Variants in FBN1 observed in about 807,000 individuals in gnomAD.
FBN1 encodes fibrillin 1, also known as fibrillin-1.
Under a neutral mutation model 365.1 loss-of-function variants are expected in FBN1, and 29 were observed. The ratio of observed to expected loss-of-function variants is 0.08; its 90% CI spans 0.06 to 0.11. The LOEUF is 0.11. Ranked by LOEUF, FBN1 falls within the 10% of genes least tolerant of loss-of-function variation. The pLI, the probability that FBN1 is intolerant of heterozygous loss-of-function variation, is 1.00. For missense variants in FBN1, 2,476 were observed against 3,703.2 expected (o/e 0.67, Z 8.60); for synonymous variants, 1,210 against 1,270.5 (o/e 0.95, Z 1.01).
At position 48,482,573 on chromosome 15, in the gene FBN1, C is replaced by T. The variant is rs1278681743; in HGVS notation, c.3839-793G>A. ...GGAGGAGGTACCAGATGGAGCCAGG[C>T]ACTGTCCTTGAGTTGAGGAGATGAA... On this transcript the variant is annotated intron_variant, in intron 31 of 65. Coordinates refer to ENST00000316623, the MANE Select transcript of FBN1 (RefSeq NM_000138.5). Among the ~76,000 whole-genome samples, 6 of 152,252 alleles carry T rather than the reference C, an allele frequency of 3.9e-5. No homozygotes were observed. The East Asian group carries it at 1.2e-3, about 29-fold the overall frequency.
intron 53 of FBN1, among the ~76,000 whole-genome samples, chr15:48,435,636 A>T (rs2043059574): frequency 6.6e-6 from 1 of 150,940 alleles, no homozygotes; most frequent in Non-Finnish European, 1.5e-5. Context: ...ACACAGGCGG[A>T]GAGAACAAAT....
intron 32 of FBN1, among the ~76,000 whole-genome samples, chr15:48,474,999 T>C (rs1731390020): frequency 6.6e-6 from 1 of 151,076 alleles, no homozygotes; most frequent in Non-Finnish European, 1.5e-5. Flanking sequence ...CTTTTGCTAG[T>C]ATTTTTAGTA....
chr15:48,443,793 G>A (rs2141247302), intron 49 of FBN1, among the ~76,000 whole-genome samples: 1 of 152,208 alleles, frequency 6.6e-6, no homozygotes, highest in South Asian at 2.1e-4. Flanking sequence ...AGGCCCTTGG[G>A]AGGCTGAGGA....
In FBN1 at chr15:48,437,384, G is replaced by A. The variant is rs1437239300; in HGVS notation, c.6317C>T (p.Ala2106Val). The change falls in exon 52 of 66, where the codon GCC becomes GTC. Residue 2106 changes from alanine to valine, a missense_variant. Ala to Val is a moderately conservative substitution (Grantham distance 64). This residue lies in a region of FBN1 where 1,780 missense variants were observed against 2,840.8 expected (regional missense o/e 0.63). Coordinates refer to ENST00000316623, the MANE Select transcript of FBN1 (RefSeq NM_000138.5). ...TCCATAAGGACATATCTGGCGGAAG[G>A]CCTCTGTGGTGGAGACACTCATTAA... is the stretch of plus-strand genomic sequence containing the variant. The part of the protein sequence containing the change: ...CELCPTEPDE[A>V]FRQICPYGSG... 3 of 1,612,494 alleles carry A rather than the reference G, an allele frequency of 1.9e-6. No homozygotes were observed. The highest frequency in any genetic ancestry group is 2.2e-5 in the South Asian group (2 of 91,044).
intron 23 of FBN1, among the ~76,000 whole-genome samples, chr15:48,493,403 T>C (rs1339667020): frequency 2.0e-5 from 3 of 152,230 alleles, no homozygotes; most frequent in African/African-American, 7.2e-5. Flanking sequence ...AACAGGAATG[T>C]TGAAAAAATA....
At chr15:48,486,977 G>C (rs2043512169) in intron 29 of FBN1, 98 bp downstream of exon 29, 1 of 984,156 alleles carries the variant, frequency 1.0e-6, no homozygotes, top group African/African-American at 1.7e-5. Flanking sequence ...GAGTGTTTTA[G>C]GGAGAGATGA....
Position 48,644,774 on chromosome 15 carries a change from C to CCG in FBN1, c.-7_-6dup, listed in dbSNP as rs1890264079. Reference sequence around the variant, plus strand: ...CAGCAGACGCCCTCGACGCATGATGCCGAGCCGCCACCGGCTCCCGCCGCC... The same window carrying CCG: ...CAGCAGACGCCCTCGACGCATGATGCCGCGAGCCGCCACCGGCTCCCGCCGCC... On this transcript the variant is annotated 5_prime_UTR_variant, in exon 2 of 66. Coordinates refer to ENST00000316623, the MANE Select transcript of FBN1 (RefSeq NM_000138.5). 5 of 1,606,110 alleles carry CCG rather than the reference C, an allele frequency of 3.1e-6. No homozygotes were observed. The highest frequency in any genetic ancestry group is 4.2e-6 in the Non-Finnish European group (5 of 1,179,244).
chr15:48,612,232 A>G (rs1851508846), intron 3 of FBN1, among the ~76,000 whole-genome samples: 1 of 152,228 alleles, frequency 6.6e-6, no homozygotes, highest in African/African-American at 2.4e-5. Flanking sequence ...AATATAGTCT[A>G]TTGAATACTC....
intron 6 of FBN1, among the ~76,000 whole-genome samples, chr15:48,579,529 C>T (rs2044375290): frequency 6.6e-6 from 1 of 152,200 alleles, no homozygotes; most frequent in Non-Finnish European, 1.5e-5. Context: ...TCCCCAGAAG[C>T]TACCTTTCTG....
intron 49 of FBN1, among the ~76,000 whole-genome samples, chr15:48,443,031 T>A (rs2043128777): frequency 6.6e-6 from 1 of 152,194 alleles, no homozygotes; most frequent in Non-Finnish European, 1.5e-5. Flanking sequence ...AACCTTATTA[T>A]CTTGACTTAA....
At chr15:48,569,214 T>G (rs1348495203) in intron 6 of FBN1, among the ~76,000 whole-genome samples, 1 of 151,980 alleles carries the variant, frequency 6.6e-6, no homozygotes, top group Non-Finnish European at 1.5e-5. Flanking sequence ...AATAGGCACA[T>G]GAAAAGATGT....
At chr15:48,456,018 T>C (rs1274050993) in intron 44 of FBN1, among the ~76,000 whole-genome samples, 2 of 152,180 alleles carry the variant, frequency 1.3e-5, no homozygotes. Context: ...TCCCTTTTAC[T>C]AAAATGTAAG....
chr15:48,534,453 T>G (rs1487252391), intron 7 of FBN1, among the ~76,000 whole-genome samples: 1 of 152,222 alleles, frequency 6.6e-6, no homozygotes, highest in Admixed American at 6.5e-5. Flanking sequence ...CTTCCATGTT[T>G]CCTAATGTAG....
At chr15:48,514,078 G>T (rs2043782673) in intron 12 of FBN1, among the ~76,000 whole-genome samples, 1 of 152,128 alleles carries the variant, frequency 6.6e-6, no homozygotes. Context: ...TCCCTGCTGA[G>T]TTCCACTAAA....
chr15:48,499,260 T>C (rs957743387), intron 17 of FBN1, among the ~76,000 whole-genome samples: 2 of 152,248 alleles, frequency 1.3e-5, no homozygotes, highest in South Asian at 2.1e-4. Context: ...AGGCAAGTTA[T>C]AGCAATTCCT....
intron 28 of FBN1, 46 bp downstream of exon 28, chr15:48,487,266 C>T (rs2043516351): frequency 1.9e-6 from 3 of 1,614,054 alleles, no homozygotes; most frequent in Admixed American, 3.3e-5. Context: ...TGATGTCATT[C>T]AAACAACTGA....
At chr15:48,462,960 G>A (rs1344982083) in intron 42 of FBN1, 122 bp downstream of exon 42, 19 of 995,628 alleles carry the variant, frequency 1.9e-5, no homozygotes, top group South Asian at 1.5e-4. Flanking sequence ...ATCATGAGCC[G>A]TTTTTTTCCC....
intron 59 of FBN1, 113 bp from the exon 60 acceptor site, chr15:48,425,604 T>C: frequency 1.3e-6 from 2 of 1,546,044 alleles, no homozygotes; most frequent in Non-Finnish European, 1.8e-6. Context: ...AAGGAAACTC[T>C]GTGTAGACTT....
intron 32 of FBN1, among the ~76,000 whole-genome samples, chr15:48,480,001 C>T (rs1018302682): frequency 2.0e-5 from 3 of 152,160 alleles, no homozygotes; most frequent in Non-Finnish European, 4.4e-5. Flanking sequence ...TTGACCAGCA[C>T]TGCGCCAACA....
Sources: allele counts gnomAD v4.1 joint callset (sites outside exome capture counted in the v4.1 genomes callset), GRCh38; gene constraint gnomAD v4.1.1; regional missense constraint gnomAD v4.1.1; transcripts MANE v1.5; gene names NCBI Gene and HGNC (gene_info 2026-07-23, HGNC 2026-07-21).